The following HBS1L variants were observed in gnomAD, a reference collection of about 807,000 sequenced individuals.
The protein encoded by HBS1L is HBS1 like translational GTPase, also known as HBS1-like protein.
In HBS1L, 55 loss-of-function variants were observed where a neutral mutation model predicts 88.9. The ratio of observed to expected loss-of-function variants is 0.62; its 90% CI spans 0.50 to 0.77. The LOEUF (loss-of-function observed/expected upper bound fraction) is 0.77. HBS1L is among the 30% of genes least tolerant of loss of function. The pLI is 0.00. For synonymous variants in HBS1L, 267 were observed against 288.5 expected (o/e 0.93, Z 0.76); for missense variants, 741 against 829.3 (o/e 0.89, Z 1.31).
At chr6:134,990,039 T>C (rs931807166) in intron 8 of HBS1L, among the ~76,000 whole-genome samples, 4 of 152,196 alleles carry the variant, frequency 2.6e-5, no homozygotes, top group African/African-American at 9.7e-5. Context: ...GCTCAGTAAT[T>C]GAAAATCTTT....
intron 2 of HBS1L, among the ~76,000 whole-genome samples, chr6:135,043,638 A>G (rs79784564): frequency 0.014 from 2,157 of 152,358 alleles, 54 homozygotes; most frequent in African/African-American, 0.049. Flanking sequence ...GAGTAATACC[A>G]GACAACAAGC....
chr6:135,028,672 C>T (rs1387845778), intron 4 of HBS1L, among the ~76,000 whole-genome samples: 2 of 152,036 alleles, frequency 1.3e-5, no homozygotes, highest in Admixed American at 6.5e-5. Flanking sequence ...AAATCCATCA[C>T]ATTAAAAGAA....
At chr6:134,970,346 T>C (rs1774447692) in intron 15 of HBS1L, among the ~76,000 whole-genome samples, 1 of 152,196 alleles carries the variant, frequency 6.6e-6, no homozygotes, top group South Asian at 2.1e-4. Context: ...TTGGCCAGGC[T>C]GGTCTCGAAC....
rs1776659464 is a variant in HBS1L, at chr6:135,039,471, C to T, written c.430+102G>A. 5 of 957,424 alleles carry T rather than the reference C, an allele frequency of 5.2e-6. No individual in the cohort carries two copies. The South Asian group carries it at 7.7e-5, about 15-fold the overall frequency. The allele number at this position is 957,424 out of a possible 1,614,324, so 59.3% of individuals were successfully genotyped here. ...ACAATAACATGCAAGATTTTAATAG[C>T]TCAAGCAAATTAAATATTTTCTTAA... On this transcript the variant is annotated intron_variant, in intron 4 of 17. Transcript: ENST00000367837.
In HBS1L at chr6:135,024,745, TTAAGA is replaced by T. The variant is rs560616216; in HGVS notation, c.430+14823_430+14827del. On this transcript the variant is annotated intron_variant, in intron 4 of 17. Transcript: ENST00000367837. ...AAAATGAACTAAAATGTTGTCTAAA[TTAAGA>T]TATGTTAACATTTAGTATATTATTT... Among the ~76,000 whole-genome samples the T allele has an allele frequency of 6.9e-3, 1,056 of 152,142 alleles. 13 individuals are homozygous for T. The highest frequency in any genetic ancestry group is 0.024 in the African/African-American group (990 of 41,520).
chr6:134,980,403 A>C (rs1432154930), intron 13 of HBS1L, among the ~76,000 whole-genome samples: 1 of 152,034 alleles, frequency 6.6e-6, no homozygotes, highest in African/African-American at 2.4e-5. Context: ...GTTAGCAATT[A>C]TCGTATTAAG....
chr6:135,050,727 C>G (rs1777055795), intron 1 of HBS1L, 80 bp from the exon 2 acceptor site: 1 of 845,498 alleles, frequency 1.2e-6, no homozygotes, highest in Non-Finnish European at 1.9e-6. Flanking sequence ...GCATCTGAAT[C>G]CTCTCCAAAA....
At chr6:135,023,905 T>A (rs1776145113) in intron 4 of HBS1L, among the ~76,000 whole-genome samples, 1 of 152,248 alleles carries the variant, frequency 6.6e-6, no homozygotes, top group Admixed American at 6.5e-5. Flanking sequence ...ATTTAAATTA[T>A]ACATGATACT....
At chr6:134,995,389 A>G (rs1164981456) in intron 7 of HBS1L, among the ~76,000 whole-genome samples, 3 of 152,064 alleles carry the variant, frequency 2.0e-5, no homozygotes, top group African/African-American at 4.8e-5. Context: ...TCTGCTATCT[A>G]TGGAATGAAG....
intron 5 of HBS1L, among the ~76,000 whole-genome samples, chr6:135,001,982 T>C (rs1275852526): frequency 6.6e-6 from 1 of 151,820 alleles, no homozygotes; most frequent in Non-Finnish European, 1.5e-5. Flanking sequence ...TATAAAAATC[T>C]ATTGTTTATA....
intron 2 of HBS1L, among the ~76,000 whole-genome samples, chr6:135,044,463 G>T (rs1776848021): frequency 6.6e-6 from 1 of 152,150 alleles, no homozygotes; most frequent in Non-Finnish European, 1.5e-5. Context: ...TATAAGGTCA[G>T]CATGGCTAAA....
intron 2 of HBS1L, among the ~76,000 whole-genome samples, chr6:135,044,240 GC>G (rs1292429254): frequency 6.6e-6 from 1 of 152,132 alleles, no homozygotes; most frequent in African/African-American, 2.4e-5. Flanking sequence ...AAATGTGCAA[GC>G]ATTTTTATTA....
At chr6:134,997,003 T>A in intron 6 of HBS1L, 61 bp from the exon 7 acceptor site, 15 of 1,181,138 alleles carry the variant, frequency 1.3e-5, no homozygotes, top group Non-Finnish European at 1.8e-5. Flanking sequence ...CATTGAGGCA[T>A]TGCATAAATG....
At chr6:134,980,330 CAT>C (rs1201922387) in intron 13 of HBS1L, among the ~76,000 whole-genome samples, 1 of 151,930 alleles carries the variant, frequency 6.6e-6, no homozygotes, top group African/African-American at 2.4e-5. Flanking sequence ...TGCACATCTG[CAT>C]TAATCTGAGA....
At chr6:134,968,411 G>T (rs1774381532) in intron 16 of HBS1L, among the ~76,000 whole-genome samples, 1 of 151,934 alleles carries the variant, frequency 6.6e-6, no homozygotes, top group African/African-American at 2.4e-5. Flanking sequence ...ACCACACCCG[G>T]CTAATTTTTG....
Position 135,042,071 on chromosome 6 carries a change from T to C in HBS1L, c.165A>G (p.Glu55=). The C allele has an allele frequency of 6.2e-7, 1 of 1,613,294 alleles. No individual in the cohort carries two copies. Among genetic ancestry groups the C allele is most frequent in the Non-Finnish European group, 8.5e-7 (1 of 1,179,512 alleles). Residue 55 remains glutamate, a synonymous_variant, in exon 3 of 18, where the codon GAA becomes GAG. Transcript: ENST00000367837. ...RDKPSVEPVE[E]YDYEDLKESS... is the part of the protein sequence containing the mutation. ...ATTCTTTCAGATCTTCATAATCATA[T>C]TCTTCCACAGGCTCAACGGAAGGTT...
intron 4 of HBS1L, among the ~76,000 whole-genome samples, chr6:135,004,728 C>T (rs1775562059): frequency 6.6e-6 from 1 of 152,124 alleles, no homozygotes; most frequent in Non-Finnish European, 1.5e-5. Context: ...GAGATTGGGA[C>T]ATATTAGAAA....
intron 2 of HBS1L, among the ~76,000 whole-genome samples, chr6:135,045,663 C>G (rs1444987399): frequency 6.6e-6 from 1 of 152,130 alleles, no homozygotes; most frequent in Admixed American, 6.5e-5. Flanking sequence ...TGGCAAAACC[C>G]CATCTCTACT....
chr6:134,993,992 G>C (rs1392384404), intron 7 of HBS1L, 117 bp from the exon 8 acceptor site: 1 of 436,428 alleles, frequency 2.3e-6, no homozygotes, highest in East Asian at 3.4e-5. Context: ...TGTTTTTATA[G>C]ACTATTATTT....
Sources: gnomAD v4.1 joint callset for allele counts (sites outside exome capture counted in the v4.1 genomes callset) on GRCh38, gnomAD v4.1.1 for gene constraint, MANE v1.5 for transcripts, NCBI Gene and HGNC (gene_info 2026-07-23, HGNC 2026-07-21) for gene names.